The following CALCRL variants were observed in gnomAD, a reference collection of about 807,000 sequenced individuals.
The protein encoded by CALCRL is calcitonin gene-related peptide type 1 receptor.
Under a neutral mutation model 60.4 loss-of-function variants are expected in CALCRL, and 27 were observed. That is an observed-to-expected ratio of 0.45 (90% CI 0.33 to 0.62). The LOEUF (loss-of-function observed/expected upper bound fraction) is 0.62, where lower values mean the gene tolerates loss of function less well. CALCRL is among the 20% of genes least tolerant of loss of function. The pLI is 0.03. For synonymous variants in CALCRL, 190 were observed against 182.6 expected (o/e 1.04, Z -0.33); for missense variants, 424 against 540.7 (o/e 0.78, Z 2.14).
intron 1 of CALCRL, among the ~76,000 whole-genome samples, chr2:187,423,873 A>C (rs550273282): frequency 2.0e-5 from 3 of 152,200 alleles, no homozygotes; most frequent in African/African-American, 7.2e-5. Flanking sequence ...GATACAAAAA[A>C]TAAAAAACTG....
At chr2:187,431,858 A>C (rs1466861206) in intron 1 of CALCRL, among the ~76,000 whole-genome samples, 7 of 151,880 alleles carry the variant, frequency 4.6e-5, no homozygotes, top group Admixed American at 2.6e-4. Flanking sequence ...AGAAATGAGA[A>C]ATGTATGATG....
chr2:187,402,379 A>C (rs561589319), intron 1 of CALCRL, among the ~76,000 whole-genome samples: 4 of 151,596 alleles, frequency 2.6e-5, no homozygotes, highest in African/African-American at 7.2e-5. Context: ...CTAATTGATC[A>C]GCTGGAATGA....
chr2:187,397,719 CAA>C (rs1392103310), intron 1 of CALCRL, among the ~76,000 whole-genome samples: 2 of 151,660 alleles, frequency 1.3e-5, no homozygotes, highest in East Asian at 3.9e-4. Flanking sequence ...TCTAAACCAC[CAA>C]AGTTTATTAT....
intron 1 of CALCRL, among the ~76,000 whole-genome samples, chr2:187,445,700 T>G (rs1446474854): frequency 6.6e-6 from 1 of 151,566 alleles, no homozygotes; most frequent in Non-Finnish European, 1.5e-5. Context: ...ATTTTACCTT[T>G]ATATTATTTT....
chr2:187,390,198 AC>A (rs1688375836), intron 1 of CALCRL, among the ~76,000 whole-genome samples: 1 of 152,148 alleles, frequency 6.6e-6, no homozygotes, highest in Non-Finnish European at 1.5e-5. Context: ...TGTTAAATAA[AC>A]AGTAGTTTTC....
In CALCRL at chr2:187,366,985, G is replaced by A. The variant is rs186598706; in HGVS notation, c.501-3483C>T. 7.4e-5 allele frequency among the ~76,000 whole-genome samples: 11 copies of A among 149,346 alleles called. No homozygotes were observed. The East Asian group carries it at 2.0e-3, about 27-fold the overall frequency. Reference sequence around the variant, plus strand: ...ACACGACATCTTATTCTCTTATTATGGGATAAAAGGATATACCATATTTCT... The same window carrying A: ...ACACGACATCTTATTCTCTTATTATAGGATAAAAGGATATACCATATTTCT... On this transcript the variant is annotated intron_variant, in intron 8 of 14. Coordinates refer to ENST00000392370, the MANE Select transcript of CALCRL (RefSeq NM_005795.6).
chr2:187,376,949 T>C (rs1247429703), intron 8 of CALCRL, among the ~76,000 whole-genome samples: 1 of 152,096 alleles, frequency 6.6e-6, no homozygotes, highest in African/African-American at 2.4e-5. Flanking sequence ...TTAATTAAAA[T>C]TTTACCCTAT....
rs990696271 is a variant in CALCRL at position 187,440,743 on chromosome 2, G to A, written c.-293+7296C>T. ...GTGTGTATTTACTTTGAAGGAAGTA[G>A]ACTGGAATTTGGTTCATTAAATATA... On this transcript the variant is annotated intron_variant, in intron 1 of 14. Transcript: ENST00000392370. Among the ~76,000 whole-genome samples, 6 of 152,162 alleles carry A rather than the reference G, an allele frequency of 3.9e-5. No homozygotes were observed. In the East Asian group the frequency reaches 1.2e-3, roughly 29 times the overall value.
chr2:187,440,919 A>T (rs988197725), intron 1 of CALCRL, among the ~76,000 whole-genome samples: 1 of 152,086 alleles, frequency 6.6e-6, no homozygotes, highest in African/African-American at 2.4e-5. Context: ...TAGGAAAATC[A>T]TTATATGAAT....
intron 1 of CALCRL, among the ~76,000 whole-genome samples, chr2:187,437,767 A>G (rs1690715524): frequency 6.6e-6 from 1 of 152,174 alleles, no homozygotes. Flanking sequence ...ACAGGAAAGG[A>G]TAGTGGTAGG....
chr2:187,395,641 G>C (rs1371263465), intron 1 of CALCRL, among the ~76,000 whole-genome samples: 1 of 152,052 alleles, frequency 6.6e-6, no homozygotes, highest in East Asian at 1.9e-4. Context: ...GATATGTTAA[G>C]ATTTCTGCCC....
chr2:187,409,156 T>C (rs1362760579), intron 1 of CALCRL, among the ~76,000 whole-genome samples: 1 of 152,162 alleles, frequency 6.6e-6, no homozygotes, highest in Non-Finnish European at 1.5e-5. Context: ...TGATGGATAA[T>C]AGCCTTGGTC....
intron 8 of CALCRL, among the ~76,000 whole-genome samples, chr2:187,373,572 A>C (rs1012231829): frequency 3.9e-5 from 6 of 152,202 alleles, no homozygotes; most frequent in African/African-American, 1.4e-4. Flanking sequence ...TTAATGGTAT[A>C]ACATACCTAC....
intron 9 of CALCRL, among the ~76,000 whole-genome samples, chr2:187,361,260 A>G (rs1201563010): frequency 6.6e-6 from 1 of 151,954 alleles, no homozygotes; most frequent in Non-Finnish European, 1.5e-5. Context: ...CTATCCAAAT[A>G]TGGAGTCTGA....
chr2:187,417,174 T>A (rs1177251808), intron 1 of CALCRL, among the ~76,000 whole-genome samples: 2 of 152,124 alleles, frequency 1.3e-5, no homozygotes, highest in East Asian at 3.9e-4. Flanking sequence ...ACAACGTTTT[T>A]CAAAACTAAT....
intron 1 of CALCRL, among the ~76,000 whole-genome samples, chr2:187,423,016 T>C (rs552104582): frequency 3.0e-4 from 46 of 152,118 alleles, no homozygotes; most frequent in Middle Eastern, 6.8e-3. Context: ...AAAGTTCCAA[T>C]AGAGAAAAGG....
chr2:187,349,194 A>G (rs1686416305), intron 14 of CALCRL, among the ~76,000 whole-genome samples: 1 of 151,680 alleles, frequency 6.6e-6, no homozygotes, highest in Admixed American at 6.6e-5. Context: ...TGATGACTAG[A>G]GTCCCTAGTT....
intron 9 of CALCRL, among the ~76,000 whole-genome samples, chr2:187,362,481 CAT>C (rs1402669158): frequency 2.0e-5 from 3 of 152,036 alleles, no homozygotes; most frequent in African/African-American, 7.2e-5. Context: ...ATAAAACACA[CAT>C]GAGACTGTTT....
chr2:187,425,862 T>A (rs1690095188), intron 1 of CALCRL, among the ~76,000 whole-genome samples: 1 of 152,078 alleles, frequency 6.6e-6, no homozygotes, highest in South Asian at 2.1e-4. Context: ...TTCTAAACTA[T>A]AACTGTTATA....
Sources: allele counts gnomAD v4.1 joint callset (sites outside exome capture counted in the v4.1 genomes callset), GRCh38; gene constraint gnomAD v4.1.1; transcripts MANE v1.5; gene names NCBI Gene and HGNC (gene_info 2026-07-23, HGNC 2026-07-21).